Variants in RYK observed in about 807,000 individuals in gnomAD.
RYK encodes receptor like tyrosine kinase, also known as inactive tyrosine-protein kinase RYK.
In RYK, 21 loss-of-function variants were observed where a neutral mutation model predicts 70.2. The ratio of observed to expected loss-of-function variants is 0.30; its 90% CI spans 0.21 to 0.43. RYK has a LOEUF of 0.43. Ranked by LOEUF, RYK falls within the 20% of genes least tolerant of loss-of-function variation. The pLI is 1.00. For synonymous variants in RYK, 267 were observed against 278.0 expected (o/e 0.96, Z 0.39); for missense variants, 604 against 753.3 (o/e 0.80, Z 2.32).
At chr3:134,213,064 T>G (rs184442889) in intron 2 of RYK, among the ~76,000 whole-genome samples, 11 of 152,290 alleles carry the variant, frequency 7.2e-5, no homozygotes, top group Admixed American at 6.5e-4. Context: ...CACCTTAGCA[T>G]ATCACAATAC....
At chr3:134,202,615 G>C (rs1343529682) in intron 6 of RYK, 115 bp downstream of exon 6, 3 of 769,690 alleles carry the variant, frequency 3.9e-6, no homozygotes, top group Admixed American at 3.7e-5. Context: ...CTTTGGCTGG[G>C]GCTTAATCAT....
Position 134,175,772 on chromosome 3 carries a change from A to C in RYK, c.1416-4T>G, listed in dbSNP as rs762448985. Reference sequence around the variant, plus strand: ...AACTTGAAGTGTGTCATCAATGCTGAAAAGTAAAGATATGAACATCAAATG... The same window carrying C: ...AACTTGAAGTGTGTCATCAATGCTGCAAAGTAAAGATATGAACATCAAATG... On this transcript the variant is annotated splice_polypyrimidine_tract_variant and splice_region_variant and intron_variant, in intron 12 of 14. Coordinates refer to ENST00000623711, the MANE Select transcript of RYK (RefSeq NM_002958.4). 1.9e-6 allele frequency: 3 copies of C among 1,613,774 alleles called. No homozygotes were observed. The highest frequency in any genetic ancestry group is 3.3e-4 in the Middle Eastern group (2 of 6,062).
chr3:134,189,827 A>T (rs2013591088), intron 8 of RYK, among the ~76,000 whole-genome samples: 1 of 152,034 alleles, frequency 6.6e-6, no homozygotes, highest in Non-Finnish European at 1.5e-5. Context: ...CTAGGGAAGG[A>T]ACTAAGAAAA....
chr3:134,210,964 C>G (rs796158528), intron 3 of RYK, among the ~76,000 whole-genome samples: 31 of 152,156 alleles, frequency 2.0e-4, no homozygotes, highest in African/African-American at 6.3e-4. Flanking sequence ...AAAGATGATC[C>G]CAAATACTGA....
At chr3:134,248,579 G>C (rs1454251225) in intron 1 of RYK, among the ~76,000 whole-genome samples, 2 of 152,070 alleles carry the variant, frequency 1.3e-5, no homozygotes, top group African/African-American at 4.8e-5. Context: ...AGCACTTTGG[G>C]AGGCCGAGGC....
intron 13 of RYK, among the ~76,000 whole-genome samples, chr3:134,167,248 A>T (rs555136294): frequency 1.6e-4 from 25 of 152,332 alleles, no homozygotes; most frequent in African/African-American, 5.8e-4. Context: ...AAACTACTTT[A>T]AAGTTCATAT....
intron 7 of RYK, among the ~76,000 whole-genome samples, chr3:134,194,382 T>C (rs2013747807): frequency 6.6e-6 from 1 of 152,204 alleles, no homozygotes; most frequent in African/African-American, 2.4e-5. Flanking sequence ...GTCCTATCTT[T>C]AGCCAGTGGA....
chr3:134,181,922 T>C (rs923847514), intron 10 of RYK, among the ~76,000 whole-genome samples: 2 of 152,128 alleles, frequency 1.3e-5, no homozygotes, highest in African/African-American at 4.8e-5. Flanking sequence ...TCCCAGCACT[T>C]TGGGAGGCCG....
chr3:134,221,804 T>C (rs1203491466), intron 2 of RYK, among the ~76,000 whole-genome samples: 1 of 152,194 alleles, frequency 6.6e-6, no homozygotes, highest in Admixed American at 6.5e-5. Context: ...GGCACCTCCA[T>C]GCTCAGCCTC....
chr3:134,249,928 T>TTTGTTTTTTG (rs1559770756), intron 1 of RYK, among the ~76,000 whole-genome samples: 1 of 147,346 alleles, frequency 6.8e-6, no homozygotes, highest in African/African-American at 2.6e-5. Flanking sequence ...TTTTTTTTTT[T>TTTGTTTTTTG]TTTTTTTTTT....
At chr3:134,214,738 T>G (rs2014500067) in intron 2 of RYK, among the ~76,000 whole-genome samples, 1 of 152,178 alleles carries the variant, frequency 6.6e-6, no homozygotes, top group African/African-American at 2.4e-5. Flanking sequence ...CTCGTCTTAT[T>G]CCAACCTTAC....
At chr3:134,193,301 A>G (rs1055611034) in intron 7 of RYK, among the ~76,000 whole-genome samples, 1 of 151,706 alleles carries the variant, frequency 6.6e-6, no homozygotes, top group African/African-American at 2.4e-5. Flanking sequence ...CTCCTGCCTC[A>G]GCCTCCCAAG....
chr3:134,165,301 A>T (rs989735068), intron 13 of RYK, among the ~76,000 whole-genome samples: 6 of 152,208 alleles, frequency 3.9e-5, no homozygotes, highest in African/African-American at 1.4e-4. Flanking sequence ...TTCTACATAA[A>T]TGATCATACT....
intron 2 of RYK, among the ~76,000 whole-genome samples, chr3:134,220,324 A>G (rs2014696992): frequency 1.3e-5 from 2 of 152,236 alleles, no homozygotes; most frequent in African/African-American, 4.8e-5. Flanking sequence ...TGGATTAGAT[A>G]ATAACATAAT....
intron 1 of RYK, among the ~76,000 whole-genome samples, chr3:134,229,884 T>C (rs527741381): frequency 8.5e-5 from 13 of 152,252 alleles, no homozygotes; most frequent in South Asian, 8.3e-4. Context: ...GAGAATAACA[T>C]TGAACGTTGG....
chr3:134,208,754 C>G (rs796538945), intron 4 of RYK, among the ~76,000 whole-genome samples: 31 of 152,316 alleles, frequency 2.0e-4, no homozygotes, highest in African/African-American at 6.3e-4. Flanking sequence ...ACTTAGCTAT[C>G]TGATCTTGAC....
At chr3:134,232,889 T>A (rs575735665) in intron 1 of RYK, among the ~76,000 whole-genome samples, 19 of 152,334 alleles carry the variant, frequency 1.2e-4, no homozygotes, top group Non-Finnish European at 1.8e-4. Context: ...TAACTTTCAG[T>A]GAGAAAGAAA....
chr3:134,224,008 C>T lies in RYK; in HGVS notation c.233-1469G>A, dbSNP rs73861345. On this transcript the variant is annotated intron_variant, in intron 1 of 14. Transcript: ENST00000623711. ...TAATGCAGAAATGAAATTTAAGGCA[C>T]GCCACATAGGGGAAAGCTGCTGAAC... is the stretch of plus-strand genomic sequence containing the variant. 3.5e-3 allele frequency among the ~76,000 whole-genome samples: 529 copies of T among 152,272 alleles called. 2 individuals carry two copies. The highest frequency in any genetic ancestry group is 0.012 in the African/African-American group (505 of 41,552).
chr3:134,249,799 C>T (rs568502217), intron 1 of RYK, among the ~76,000 whole-genome samples: 9 of 151,944 alleles, frequency 5.9e-5, no homozygotes, highest in African/African-American at 2.2e-4. Flanking sequence ...TGCTACCTGG[C>T]GATTCATTCA....
Sources: gnomAD v4.1 joint callset for allele counts (sites outside exome capture counted in the v4.1 genomes callset) on GRCh38, gnomAD v4.1.1 for gene constraint, MANE v1.5 for transcripts, NCBI Gene and HGNC (gene_info 2026-07-23, HGNC 2026-07-21) for gene names.